Variants in MDGA2 observed in about 807,000 individuals in gnomAD.
MDGA2 encodes the protein MAM domain containing glycosylphosphatidylinositol anchor 2.
In MDGA2, 40 loss-of-function variants were observed where a neutral mutation model predicts 117.8. The observed-to-expected ratio is 0.34, with a 90% CI of 0.26 to 0.44. The LOEUF (loss-of-function observed/expected upper bound fraction) is 0.44. Among genes scored for constraint, MDGA2 ranks in the 20% least tolerant of loss-of-function variants. The pLI is 1.00. For synonymous variants in MDGA2, 452 were observed against 439.0 expected (o/e 1.03, Z -0.37); for missense variants, 1,123 against 1,250.6 (o/e 0.90, Z 1.54).
intron 1 of MDGA2, among the ~76,000 whole-genome samples, chr14:47,322,127 T>C (rs1344690090): frequency 6.6e-6 from 1 of 152,154 alleles, no homozygotes; most frequent in Non-Finnish European, 1.5e-5. Context: ...GTACTTCCTG[T>C]TAACAGTGTT....
intron 9 of MDGA2, among the ~76,000 whole-genome samples, chr14:46,949,727 A>G (rs1885301665): frequency 6.6e-6 from 1 of 151,976 alleles, no homozygotes; most frequent in Non-Finnish European, 1.5e-5. Flanking sequence ...TCATATATAT[A>G]CCACATTTTT....
intron 9 of MDGA2, among the ~76,000 whole-genome samples, chr14:46,957,166 TC>T (rs1367964865): frequency 6.6e-6 from 1 of 152,170 alleles, no homozygotes; most frequent in East Asian, 1.9e-4. Flanking sequence ...CAGATAACCT[TC>T]TATGTAATTT....
In MDGA2 at chr14:47,144,201, T is replaced by C. The variant is rs1049183473; in HGVS notation, c.669A>G (p.Thr223=). 3.2e-6 allele frequency: 5 copies of C among 1,551,218 alleles called. No homozygotes were observed. Among genetic ancestry groups the C allele is most frequent in the South Asian group, 1.2e-5 (1 of 84,040 alleles). The change falls in exon 4 of 17, where the codon ACA becomes ACG. Residue 223 remains threonine (T), a synonymous_variant. Coordinates refer to ENST00000399232, the MANE Select transcript of MDGA2 (RefSeq NM_001113498.3). ...AATTGGCAACACACCGGAGGAACAC[T>C]GTTCTCTCATAGTAAAATTGTTCTT... is the stretch of plus-strand genomic sequence containing the variant. ...EAKEQFYYER[T]VFLRCVANSN...
intron 1 of MDGA2, among the ~76,000 whole-genome samples, chr14:47,460,649 C>A (rs1893463884): frequency 6.6e-6 from 1 of 152,018 alleles, no homozygotes; most frequent in South Asian, 2.1e-4. Flanking sequence ...ACTCATGAGG[C>A]TCATCCAAGG....
At chr14:47,485,290 C>T (rs1259718402) in intron 1 of MDGA2, among the ~76,000 whole-genome samples, 4 of 152,106 alleles carry the variant, frequency 2.6e-5, no homozygotes, top group Non-Finnish European at 5.9e-5. Flanking sequence ...AGACTGGTTG[C>T]ATTTTGCCCC....
intron 9 of MDGA2, among the ~76,000 whole-genome samples, chr14:46,921,916 A>G (rs1457489469): frequency 6.6e-6 from 1 of 152,138 alleles, no homozygotes; most frequent in African/African-American, 2.4e-5. Flanking sequence ...TGGGGAGGTA[A>G]AAGTCTAGTG....
intron 3 of MDGA2, among the ~76,000 whole-genome samples, chr14:47,153,448 A>G (rs1025823353): frequency 3.9e-5 from 6 of 152,180 alleles, no homozygotes; most frequent in Non-Finnish European, 8.8e-5. Context: ...AGAGAACTTC[A>G]CCTGGCTGTG....
chr14:47,581,281 A>T (rs1482621422), intron 1 of MDGA2, among the ~76,000 whole-genome samples: 1 of 152,000 alleles, frequency 6.6e-6, no homozygotes, highest in Non-Finnish European at 1.5e-5. Flanking sequence ...ATAAAAAAGC[A>T]TCATTTCCAC....
intron 1 of MDGA2, among the ~76,000 whole-genome samples, chr14:47,542,721 T>G (rs1005550424): frequency 1.2e-4 from 18 of 152,204 alleles, no homozygotes; most frequent in African/African-American, 4.3e-4. Flanking sequence ...ATAAACCAGT[T>G]AAATCAGATT....
chr14:47,227,604 C>T (rs187707503), intron 2 of MDGA2, among the ~76,000 whole-genome samples: 115 of 152,020 alleles, frequency 7.6e-4, no homozygotes, highest in Middle Eastern at 3.4e-3. Flanking sequence ...AAGGACTATT[C>T]GTAAACTTGG....
intron 1 of MDGA2, among the ~76,000 whole-genome samples, chr14:47,450,005 A>C (rs974595978): frequency 1.3e-5 from 2 of 152,128 alleles, no homozygotes; most frequent in Non-Finnish European, 2.9e-5. Context: ...CTTTTTAAAA[A>C]CTGTCATAGA....
chr14:47,642,058 G>A (rs1312441525), intron 1 of MDGA2, among the ~76,000 whole-genome samples: 1 of 152,080 alleles, frequency 6.6e-6, no homozygotes, highest in Non-Finnish European at 1.5e-5. Flanking sequence ...AAATTGTAAA[G>A]TGGGGTAAAA....
intron 1 of MDGA2, among the ~76,000 whole-genome samples, chr14:47,615,101 T>A (rs1404086553): frequency 6.6e-6 from 1 of 150,396 alleles, no homozygotes; most frequent in Non-Finnish European, 1.5e-5. Context: ...ATATTCCTGA[T>A]GTGGTATTAT....
intron 8 of MDGA2, among the ~76,000 whole-genome samples, chr14:47,023,657 G>C (rs1020991860): frequency 2.0e-5 from 3 of 152,168 alleles, no homozygotes; most frequent in Non-Finnish European, 1.5e-5. Flanking sequence ...TGATAATAGA[G>C]AGGAGAGGAA....
At chr14:47,402,349 G>A (rs1166062466) in intron 1 of MDGA2, among the ~76,000 whole-genome samples, 2 of 96,910 alleles carry the variant, frequency 2.1e-5, no homozygotes, top group Non-Finnish European at 4.1e-5. Context: ...CCCCCACCCC[G>A]CAAAAAAAAG....
intron 1 of MDGA2, among the ~76,000 whole-genome samples, chr14:47,437,541 G>A (rs537872579): frequency 6.6e-6 from 1 of 152,200 alleles, no homozygotes; most frequent in South Asian, 2.1e-4. Flanking sequence ...ATTTCCTCAT[G>A]TCTTGTACTC....
chr14:47,277,592 A>G (rs1317258967), intron 2 of MDGA2, among the ~76,000 whole-genome samples: 1 of 152,214 alleles, frequency 6.6e-6, no homozygotes. Context: ...TTGAAGATGG[A>G]AAGTAAAACA....
Position 47,144,189 on chromosome 14 carries a change from C to A in MDGA2, c.681G>T (p.Arg227=), listed in dbSNP as rs553858136. The change falls in exon 4 of 17, where the codon CGG becomes CGT. Residue 227 remains arginine (R), a synonymous_variant. Coordinates refer to ENST00000399232, the MANE Select transcript of MDGA2 (RefSeq NM_001113498.3). The part of the protein sequence containing the change: ...QFYYERTVFL[R]CVANSNPPVR... ...CAGGAGGATTGGAATTGGCAACACA[C>A]CGGAGGAACACTGTTCTCTCATAGT... is the stretch of plus-strand genomic sequence containing the variant. 18 of 1,551,318 alleles carry A rather than the reference C, an allele frequency of 1.2e-5. No individual in the cohort carries two copies. The African/African-American group carries it at 2.5e-4, about 21-fold the overall frequency.
At chr14:46,923,562 T>A (rs1884214028) in intron 9 of MDGA2, among the ~76,000 whole-genome samples, 1 of 152,076 alleles carries the variant, frequency 6.6e-6, no homozygotes, top group South Asian at 2.1e-4. Context: ...TAAATAGTAA[T>A]GATTAGTAAT....
Sources: allele counts gnomAD v4.1 joint callset (sites outside exome capture counted in the v4.1 genomes callset), GRCh38; gene constraint gnomAD v4.1.1; transcripts MANE v1.5; gene names NCBI Gene and HGNC (gene_info 2026-07-23, HGNC 2026-07-21).